MACROD1: variants seen among roughly 807,000 people sequenced by gnomAD.
MACROD1 encodes the protein mono-ADP ribosylhydrolase 1.
Under a neutral mutation model 41.4 loss-of-function variants are expected in MACROD1, and 31 were observed. The ratio of observed to expected loss-of-function variants is 0.75; its 90% CI spans 0.56 to 1.01. The LOEUF is 1.01. Among genes scored for constraint, MACROD1 ranks in the 50% least tolerant of loss-of-function variants. MACROD1 has a pLI of 0.00. For synonymous variants in MACROD1, 252 were observed against 203.4 expected (o/e 1.24, Z -2.03); for missense variants, 473 against 460.0 (o/e 1.03, Z -0.26).
At position 64,060,019 on chromosome 11, in the gene MACROD1, C is replaced by G. The variant is rs529310623; in HGVS notation, c.518-44738G>C. Among the ~76,000 whole-genome samples, 52 of 152,312 alleles carry G rather than the reference C, an allele frequency of 3.4e-4. 1 individual carries two copies. The highest frequency in any genetic ancestry group is 1.2e-3 in the African/African-American group (50 of 41,558). On this transcript the variant is annotated intron_variant, in intron 3 of 10. Transcript: ENST00000255681. ...CGGTGCGGGACGTCCAGGGGCCCCC[C>G]TCCCACACGGCAGGGGGGAATGGCG... is the stretch of plus-strand genomic sequence containing the variant.
intron 3 of MACROD1, among the ~76,000 whole-genome samples, chr11:64,121,874 C>T (rs958978756): frequency 6.6e-6 from 1 of 151,868 alleles, no homozygotes; most frequent in Admixed American, 6.6e-5. Flanking sequence ...AAGCCCATGA[C>T]GCTTCTTTGG....
At chr11:63,998,815 G>T in intron 10 of MACROD1, 23 bp downstream of exon 10, 1 of 1,510,794 alleles carries the variant, frequency 6.6e-7, no homozygotes. Flanking sequence ...CGGGGCCGCC[G>T]CACGGGGCGA....
At chr11:64,128,195 C>T (rs972522074) in intron 3 of MACROD1, among the ~76,000 whole-genome samples, 6 of 152,114 alleles carry the variant, frequency 3.9e-5, no homozygotes, top group Non-Finnish European at 8.8e-5. Context: ...CACAGTGTGA[C>T]CACCCAGGAA....
intron 4 of MACROD1, among the ~76,000 whole-genome samples, chr11:64,005,004 A>G (rs1942886335): frequency 1.1e-5 from 1 of 90,758 alleles, no homozygotes; most frequent in Admixed American, 9.2e-5. Context: ...TGAGAGGAGG[A>G]GCAGAAACTA....
intron 3 of MACROD1, among the ~76,000 whole-genome samples, chr11:64,021,763 A>G (rs1357331553): frequency 6.6e-6 from 1 of 151,928 alleles, no homozygotes; most frequent in African/African-American, 2.4e-5. Context: ...ACAAGTGTGC[A>G]GCCAGCCCCA....
chr11:64,038,331 G>A (rs1943421842), intron 3 of MACROD1, among the ~76,000 whole-genome samples: 1 of 152,244 alleles, frequency 6.6e-6, no homozygotes, highest in African/African-American at 2.4e-5. Flanking sequence ...CTGCGCAGGG[G>A]TTTACAGCAG....
chr11:64,135,790 C>A (rs1265164417), intron 3 of MACROD1, among the ~76,000 whole-genome samples: 1 of 152,148 alleles, frequency 6.6e-6, no homozygotes, highest in Non-Finnish European at 1.5e-5. Flanking sequence ...AGAGAGACTG[C>A]AAACTGCCTG....
intron 3 of MACROD1, among the ~76,000 whole-genome samples, chr11:64,031,305 C>T (rs1280582952): frequency 6.6e-6 from 1 of 152,134 alleles, no homozygotes; most frequent in Non-Finnish European, 1.5e-5. Flanking sequence ...TGCTCTCTGG[C>T]TCTCCCTGAA....
At chr11:64,070,628 ATAAC>A (rs1944091035) in intron 3 of MACROD1, among the ~76,000 whole-genome samples, 1 of 152,214 alleles carries the variant, frequency 6.6e-6, no homozygotes, top group African/African-American at 2.4e-5. Flanking sequence ...AGAAAGCACC[ATAAC>A]TAACACTCGG....
intron 3 of MACROD1, among the ~76,000 whole-genome samples, chr11:64,081,352 G>A (rs559766799): frequency 6.6e-6 from 1 of 152,320 alleles, no homozygotes; most frequent in Admixed American, 6.5e-5. Flanking sequence ...CAATGACCAT[G>A]AACTCGCATA....
intron 3 of MACROD1, among the ~76,000 whole-genome samples, chr11:64,087,779 C>G (rs564489393): frequency 6.6e-6 from 1 of 152,222 alleles, no homozygotes; most frequent in Admixed American, 6.5e-5. Context: ...TCTGAATGAC[C>G]GGAGGCTGGA....
intron 3 of MACROD1, among the ~76,000 whole-genome samples, chr11:64,015,781 T>C (rs1453501932): frequency 6.8e-6 from 1 of 147,382 alleles, no homozygotes; most frequent in Non-Finnish European, 1.5e-5. Context: ...GGGCCAGAGC[T>C]GGAGGACTGA....
chr11:64,001,602 G>A, intron 4 of MACROD1: 1 of 701,718 alleles, frequency 1.4e-6, no homozygotes, highest in South Asian at 1.5e-5. Context: ...TTTACTCAGA[G>A]CTGGCACCAG....
intron 3 of MACROD1, among the ~76,000 whole-genome samples, chr11:64,060,120 A>C (rs373612402): frequency 1.7e-4 from 26 of 152,358 alleles, no homozygotes; most frequent in African/African-American, 4.8e-4. Flanking sequence ...AATGCACCTT[A>C]CTTTGTTTAA....
At chr11:64,148,974 C>A (rs556566123) in intron 3 of MACROD1, 859 of 985,312 alleles carry the variant, frequency 8.7e-4, no homozygotes, top group Admixed American at 1.4e-3. Context: ...CGTGTTCAGA[C>A]CCTGCCTCCG....
At chr11:64,079,070 G>A (rs916045759) in intron 3 of MACROD1, among the ~76,000 whole-genome samples, 13 of 152,098 alleles carry the variant, frequency 8.5e-5, no homozygotes, top group Admixed American at 2.6e-4. Flanking sequence ...GACCGGGGGC[G>A]GTGGGGAGGC....
intron 3 of MACROD1, among the ~76,000 whole-genome samples, chr11:64,144,158 G>A (rs1242846313): frequency 3.4e-5 from 5 of 148,144 alleles, no homozygotes; most frequent in African/African-American, 7.5e-5. Flanking sequence ...CGTCCACCTC[G>A]CCCCTCCCTG....
At chr11:63,999,287 T>G (rs999235456) in intron 8 of MACROD1, 44 bp downstream of exon 8, 2 of 1,538,962 alleles carry the variant, frequency 1.3e-6, no homozygotes, top group South Asian at 2.4e-5. Context: ...CTGGTCACTC[T>G]GGCCGGGATG....
intron 3 of MACROD1, among the ~76,000 whole-genome samples, chr11:64,065,305 G>A (rs1049984414): frequency 6.6e-6 from 1 of 152,216 alleles, no homozygotes; most frequent in Non-Finnish European, 1.5e-5. Flanking sequence ...AGCGTCAGCT[G>A]CCTCAACATG....
Sources: allele counts gnomAD v4.1 joint callset (sites outside exome capture counted in the v4.1 genomes callset), GRCh38; gene constraint gnomAD v4.1.1; transcripts MANE v1.5; gene names NCBI Gene and HGNC (gene_info 2026-07-23, HGNC 2026-07-21).